FGF13: variants seen among roughly 807,000 people sequenced by gnomAD.
FGF13 encodes fibroblast growth factor 13, also known as fibroblast growth factor homologous factor 2.
A neutral mutation model predicts 19.5 loss-of-function variants in FGF13; 2 were observed. That is an observed-to-expected ratio of 0.10 (90% CI 0.04 to 0.32). The LOEUF is 0.32. FGF13 is among the 10% of genes least tolerant of loss of function. FGF13 has a pLI of 1.00. For synonymous variants in FGF13, 72 were observed against 76.9 expected (o/e 0.94, Z 0.33); for missense variants, 113 against 192.7 (o/e 0.59, Z 2.45).
chrX:139,098,888 AAAAAG>A (rs1168179752), intron 1 of FGF13, among the ~76,000 whole-genome samples: 1 of 112,083 alleles, frequency 8.9e-6, no homozygotes, highest in Non-Finnish European at 1.9e-5. Flanking sequence ...TCTAAAATTT[AAAAAG>A]AAAAGAATGA....
chrX:139,030,102 T>C (rs1159763671), intron 1 of FGF13, among the ~76,000 whole-genome samples: 1 of 111,513 alleles, frequency 9.0e-6, no homozygotes, highest in Non-Finnish European at 1.9e-5. Context: ...TTTTCAAAGT[T>C]AGACAGAGTT....
chrX:138,963,965 T>A (rs1323223454), intron 1 of FGF13, among the ~76,000 whole-genome samples: 1 of 112,003 alleles, frequency 8.9e-6, no homozygotes, highest in Non-Finnish European at 1.9e-5. Flanking sequence ...GTTGAGCAGC[T>A]ACACTCAGCC....
intron 1 of FGF13, among the ~76,000 whole-genome samples, chrX:138,882,399 T>C (rs778879175): frequency 1.5e-4 from 17 of 111,996 alleles, no homozygotes; most frequent in Non-Finnish European, 3.0e-4. Flanking sequence ...GTCTAGTTGA[T>C]GTACAGCGTG....
rs773289565 is a variant in FGF13 at position 138,826,013 on chromosome X, A to G, written c.217+31499T>C. The stretch of plus-strand genomic sequence containing the variant: ...ACCTATGAGGACGTCTAGACCTCCA[A>G]TTATGGGTCTCACAATGTGGGCAAG... On this transcript the variant is annotated intron_variant, in intron 3 of 6. Transcript: ENST00000436198. Among the ~76,000 whole-genome samples, 34 of 111,744 alleles carry G rather than the reference A, an allele frequency of 3.0e-4. 1 individual carries two copies. In the South Asian group the frequency reaches 0.013, roughly 43 times the overall value.
At chrX:138,891,684 T>C (rs1353096146) in intron 1 of FGF13, among the ~76,000 whole-genome samples, 3 of 111,248 alleles carry the variant, frequency 2.7e-5, no homozygotes, top group South Asian at 3.8e-4. Flanking sequence ...TGTGAGGGTG[T>C]TGCCAAAAGA....
At chrX:138,705,866 T>C (rs1034480336) in intron 2 of FGF13, among the ~76,000 whole-genome samples, 3 of 112,876 alleles carry the variant, frequency 2.7e-5, no homozygotes, top group African/African-American at 6.4e-5. Context: ...ACTTCATTTA[T>C]GGATTTAAAA....
intron 1 of FGF13, among the ~76,000 whole-genome samples, chrX:139,132,673 T>C (rs1360534211): frequency 8.9e-6 from 1 of 112,415 alleles, no homozygotes; most frequent in Admixed American, 9.5e-5. Flanking sequence ...AAAATGTATA[T>C]TTTCATTTTA....
chrX:139,141,541 T>C (rs1312270697), intron 1 of FGF13, among the ~76,000 whole-genome samples: 1 of 111,713 alleles, frequency 9.0e-6, no homozygotes, highest in Non-Finnish European at 1.9e-5. Context: ...ATTTCTCTGT[T>C]TCTCTATCAT....
chrX:138,664,558 T>TGAGAGA (rs3831715), intron 3 of FGF13, among the ~76,000 whole-genome samples: 172 of 104,359 alleles, frequency 1.6e-3, no homozygotes, highest in African/African-American at 5.8e-3. Flanking sequence ...TTTGCATGTG[T>TGAGAGA]GAGAGAGAGA....
chrX:139,113,823 T>C (rs2064279774), intron 1 of FGF13, among the ~76,000 whole-genome samples: 1 of 111,972 alleles, frequency 8.9e-6, no homozygotes, highest in African/African-American at 3.2e-5. Flanking sequence ...TCTGAATCTC[T>C]ACTTCCTCTT....
At chrX:138,694,986 AACACACACACACACACACAC>A (rs745359063) in intron 3 of FGF13, among the ~76,000 whole-genome samples, 45 of 84,760 alleles carry the variant, frequency 5.3e-4, no homozygotes, top group African/African-American at 1.7e-3. Flanking sequence ...TACTAGTTGA[AACACACACACACACACACAC>A]ACACACACAC....
chrX:139,125,959 G>A (rs762049253), intron 1 of FGF13, among the ~76,000 whole-genome samples: 34 of 111,928 alleles, frequency 3.0e-4, no homozygotes, highest in Admixed American at 9.5e-4. Flanking sequence ...GTTCAGATGA[G>A]GTGCTTAACA....
intron 1 of FGF13, among the ~76,000 whole-genome samples, chrX:139,111,316 G>A (rs1241211225): frequency 8.9e-6 from 1 of 111,781 alleles, no homozygotes; most frequent in Non-Finnish European, 1.9e-5. Flanking sequence ...TATCAGACAT[G>A]GAAGAGGACG....
At chrX:138,745,626 A>G (rs372797627) in intron 3 of FGF13, among the ~76,000 whole-genome samples, 7 of 112,361 alleles carry the variant, frequency 6.2e-5, no homozygotes, top group African/African-American at 2.3e-4. Context: ...ATCCTTATTC[A>G]TTTCATTTAT....
At chrX:139,033,859 A>G (rs1326746667) in intron 1 of FGF13, among the ~76,000 whole-genome samples, 2 of 111,730 alleles carry the variant, frequency 1.8e-5, no homozygotes, top group Non-Finnish European at 3.8e-5. Flanking sequence ...ACTAAAAGTG[A>G]AAATCAGTTT....
intron 1 of FGF13, among the ~76,000 whole-genome samples, chrX:138,921,985 A>AC (rs1222851257): frequency 9.3e-6 from 1 of 107,625 alleles, no homozygotes; most frequent in African/African-American, 3.4e-5. Flanking sequence ...AAAAAAAAAA[A>AC]AAACAACAAA....
intron 1 of FGF13, among the ~76,000 whole-genome samples, chrX:138,885,434 G>C (rs772445695): frequency 2.2e-4 from 24 of 111,558 alleles, no homozygotes; most frequent in Non-Finnish European, 1.3e-4. Context: ...GCCTGGTAAA[G>C]GGGATCAACA....
At chrX:139,053,830 A>C (rs1438354033) in intron 1 of FGF13, among the ~76,000 whole-genome samples, 2 of 111,570 alleles carry the variant, frequency 1.8e-5, no homozygotes, top group Non-Finnish European at 3.8e-5. Context: ...ATCCTTGCCT[A>C]AGCCAATGTC....
chrX:138,866,662 G>T (rs1472652342), intron 1 of FGF13, among the ~76,000 whole-genome samples: 1 of 111,078 alleles, frequency 9.0e-6, no homozygotes, highest in East Asian at 2.8e-4. Flanking sequence ...AAGATGAGAT[G>T]ATAGCTAGGG....
Sources: gnomAD v4.1 joint callset for allele counts (sites outside exome capture counted in the v4.1 genomes callset) on GRCh38, gnomAD v4.1.1 for gene constraint, MANE v1.5 for transcripts, NCBI Gene and HGNC (gene_info 2026-07-23, HGNC 2026-07-21) for gene names.